CPXM2: variants seen among roughly 807,000 people sequenced by gnomAD.
The protein encoded by CPXM2 is carboxypeptidase X, M14 family member 2, also known as inactive carboxypeptidase-like protein X2.
CPXM2 carries 66 observed loss-of-function variants against 86.1 expected under a neutral mutation model. The observed-to-expected ratio is 0.77, with a 90% CI of 0.63 to 0.94. CPXM2 has a LOEUF of 0.94. CPXM2 is among the 40% of genes least tolerant of loss of function. The pLI is 0.00. For missense variants in CPXM2, 948 were observed against 1,026.3 expected (o/e 0.92, Z 1.04); for synonymous variants, 388 against 400.2 (o/e 0.97, Z 0.36).
At chr10:123,930,292 G>T (rs1350486004) in intron 2 of CPXM2, among the ~76,000 whole-genome samples, 2 of 152,238 alleles carry the variant, frequency 1.3e-5, no homozygotes, top group Non-Finnish European at 2.9e-5. Flanking sequence ...TACTCTTTGA[G>T]ACTTTCTGTT....
At chr10:123,901,270 G>T (rs1190805814) in intron 2 of CPXM2, among the ~76,000 whole-genome samples, 3 of 152,184 alleles carry the variant, frequency 2.0e-5, no homozygotes, top group Non-Finnish European at 4.4e-5. Context: ...ATTTTAAAAA[G>T]AGAGAGCTTT....
intron 10 of CPXM2, among the ~76,000 whole-genome samples, chr10:123,763,806 G>A (rs1294179461): frequency 6.6e-6 from 1 of 151,744 alleles, no homozygotes; most frequent in East Asian, 1.9e-4. Context: ...CTGTCTTCTG[G>A]TACATATGTG....
intron 6 of CPXM2, among the ~76,000 whole-genome samples, chr10:123,787,429 A>G (rs1847087971): frequency 6.6e-6 from 1 of 151,944 alleles, no homozygotes; most frequent in Admixed American, 6.6e-5. Flanking sequence ...CTTGTCACCC[A>G]GCCTGGAGTG....
At chr10:123,766,704 A>G (rs1415545119) in intron 10 of CPXM2, among the ~76,000 whole-genome samples, 2 of 152,226 alleles carry the variant, frequency 1.3e-5, no homozygotes, top group Admixed American at 6.5e-5. Flanking sequence ...GTAGTAACAA[A>G]CATGTGCAAT....
chr10:123,880,148 C>T, intron 2 of CPXM2, 63 bp downstream of exon 2: 2 of 227,126 alleles, frequency 8.8e-6, no homozygotes, highest in South Asian at 7.7e-5. Context: ...GGGCCTGTAC[C>T]CACCCACCCT....
At chr10:123,767,668 G>A (rs1267644804) in intron 9 of CPXM2, among the ~76,000 whole-genome samples, 1 of 152,028 alleles carries the variant, frequency 6.6e-6, no homozygotes, top group Non-Finnish European at 1.5e-5. Context: ...TTATTCCCAG[G>A]TATTGAGATA....
intron 3 of CPXM2, among the ~76,000 whole-genome samples, chr10:123,861,873 G>T (rs1398702639): frequency 1.3e-5 from 2 of 152,242 alleles, no homozygotes; most frequent in African/African-American, 2.4e-5. Context: ...AGCAGCAATA[G>T]GAAACTCATA....
At chr10:123,896,873 G>T (rs552608824), upstream of CPXM2, among the ~76,000 whole-genome samples, 1 of 152,336 alleles carries the variant, frequency 6.6e-6, no homozygotes, top group Admixed American at 6.5e-5. Flanking sequence ...TGTAAGCTGG[G>T]TTCTCTGTTT....
At chr10:123,859,284 G>A (rs912508565) in intron 3 of CPXM2, among the ~76,000 whole-genome samples, 14 of 152,224 alleles carry the variant, frequency 9.2e-5, no homozygotes, top group South Asian at 4.1e-4. Flanking sequence ...ATTTCAAACC[G>A]TTCTGTGTGG....
chr10:123,891,675 C>T lies in CPXM2; in HGVS notation c.-16G>A, dbSNP rs564238987. The T allele has an allele frequency of 1.1e-5, 15 of 1,367,128 alleles. No homozygotes were observed. The African/African-American group carries it at 1.7e-4, about 15-fold the overall frequency. 84.7% of individuals were successfully genotyped at this position (1,367,128 alleles called of 1,614,324 possible). Reference sequence around the variant, plus strand: ...GGCGGGACATGCCTGCTCCGCCCCGCGCCCAGGGCAGGGTCACGGTCACCG... The same window carrying T: ...GGCGGGACATGCCTGCTCCGCCCCGTGCCCAGGGCAGGGTCACGGTCACCG... On this transcript the variant is annotated 5_prime_UTR_variant, in exon 1 of 14. Transcript: ENST00000241305. This position sits in a 1 kb window ranked among gnomAD's most constrained non-coding sequence, Gnocchi z 5.6.
intron 2 of CPXM2, among the ~76,000 whole-genome samples, chr10:123,902,518 C>A (rs1305034949): frequency 2.6e-5 from 4 of 152,322 alleles, no homozygotes; most frequent in African/African-American, 9.6e-5. Flanking sequence ...AACAGTAATT[C>A]ATTTCTCACA....
At chr10:123,815,727 T>C (rs1010727984) in intron 4 of CPXM2, among the ~76,000 whole-genome samples, 4 of 152,152 alleles carry the variant, frequency 2.6e-5, no homozygotes, top group African/African-American at 7.2e-5. Context: ...TCTAGACAGA[T>C]AATTAAAGTC....
intron 2 of CPXM2, among the ~76,000 whole-genome samples, chr10:123,916,239 A>T (rs28534680): frequency 0.35 from 53,470 of 152,042 alleles, 9,806 homozygotes; most frequent in Middle Eastern, 0.55. Flanking sequence ...ATGCTATTAT[A>T]TGTGGGATCA....
chr10:123,768,862 C>T, intron 8 of CPXM2, 140 bp from the exon 9 acceptor site: 1 of 697,358 alleles, frequency 1.4e-6, no homozygotes, highest in Non-Finnish European at 2.3e-6. Flanking sequence ...TCAAACAAAC[C>T]TCTAAAATGA....
intron 10 of CPXM2, among the ~76,000 whole-genome samples, chr10:123,765,548 G>A (rs1197684452): frequency 6.6e-6 from 1 of 152,192 alleles, no homozygotes; most frequent in Non-Finnish European, 1.5e-5. Context: ...TTTGCCAGGT[G>A]TCATTAGGAT....
intron 4 of CPXM2, among the ~76,000 whole-genome samples, chr10:123,835,177 G>A (rs745491380): frequency 3.3e-5 from 5 of 152,184 alleles, no homozygotes; most frequent in Admixed American, 2.0e-4. Context: ...CAGCAAGGGG[G>A]CCTCCCCATG....
At chr10:123,840,683 G>A (rs1259612644) in intron 4 of CPXM2, among the ~76,000 whole-genome samples, 6 of 152,044 alleles carry the variant, frequency 3.9e-5, no homozygotes, top group South Asian at 2.1e-4. Context: ...TAAGGACCAC[G>A]GAATCATGCA....
In CPXM2 at chr10:123,754,686, C is replaced by T. The variant is rs764423566; in HGVS notation, c.1994G>A (p.Gly665Asp). Residue 665 changes from glycine to aspartate, a missense_variant, in exon 13 of 14, where the codon GGC (glycine) becomes GAC (aspartate). By Grantham distance (94) the Gly-to-Asp change is moderately conservative (BLOSUM62 -1). Transcript: ENST00000241305. This position sits in a 1 kb window ranked among gnomAD's most constrained non-coding sequence, Gnocchi z 4.0. The part of the protein sequence containing the change: ...GIPNAIISVE[G>D]INHDIRTAND... ...ACCTGTTCGGATGTCATGGTTAATG[C>T]CTTCTACGGAGATAATGGCGTTTGG... is the stretch of plus-strand genomic sequence containing the variant. The T allele has an allele frequency of 1.2e-6, 2 of 1,600,272 alleles. No homozygotes were observed. Among genetic ancestry groups the T allele is most frequent in the South Asian group, 1.1e-5 (1 of 90,764 alleles).
At chr10:123,825,165 T>C (rs1255675756) in intron 4 of CPXM2, among the ~76,000 whole-genome samples, 1 of 152,164 alleles carries the variant, frequency 6.6e-6, no homozygotes, top group Non-Finnish European at 1.5e-5. Flanking sequence ...AGTGGCTAGA[T>C]TACATGTAGG....
Sources: allele counts gnomAD v4.1 joint callset (sites outside exome capture counted in the v4.1 genomes callset), GRCh38; gene constraint gnomAD v4.1.1; non-coding constraint Gnocchi (gnomAD v3.1); transcripts MANE v1.5; gene names NCBI Gene and HGNC (gene_info 2026-07-23, HGNC 2026-07-21).